LIMD1: variants seen among roughly 807,000 people sequenced by gnomAD.
The protein encoded by LIMD1 is LIM domain-containing protein 1.
Under a neutral mutation model 58.4 loss-of-function variants are expected in LIMD1, and 23 were observed. The ratio of observed to expected loss-of-function variants is 0.39; its 90% CI spans 0.28 to 0.56. LIMD1 has a LOEUF of 0.56. Ranked by LOEUF, LIMD1 falls within the 20% of genes least tolerant of loss-of-function variation. The pLI, the probability that LIMD1 is intolerant of heterozygous loss-of-function variation, is 0.57. For missense variants in LIMD1, 838 were observed against 855.5 expected (o/e 0.98, Z 0.25); for synonymous variants, 334 against 345.5 (o/e 0.97, Z 0.37).
chr3:45,677,226 C>A lies in LIMD1; in HGVS notation c.*167C>A. 1.6e-6 allele frequency: 1 copy of A among 638,904 alleles called. No individual in the cohort carries two copies. Among genetic ancestry groups the A allele is most frequent in the Non-Finnish European group, 2.7e-6 (1 of 375,354 alleles). 39.6% of individuals were successfully genotyped at this position (638,904 alleles called of 1,614,324 possible). A position where few individuals can be genotyped will look rare whatever the true frequency, so the allele number is the denominator to read the frequency against. ...TTTCCTTTAACCAGGGAGGTGAACA[C>A]TACCTGCCTCCTGCGTGTATTTTCC... On this transcript the variant is annotated 3_prime_UTR_variant, in exon 8 of 8. Transcript: ENST00000273317.
At chr3:45,636,407 C>T (rs1418628715) in intron 2 of LIMD1, among the ~76,000 whole-genome samples, 156 bp downstream of exon 2, 1 of 152,198 alleles carries the variant, frequency 6.6e-6, no homozygotes, top group African/African-American at 2.4e-5. Flanking sequence ...AGCAGGGTTT[C>T]TTACCACCAA....
intron 1 of LIMD1, among the ~76,000 whole-genome samples, chr3:45,613,272 C>T (rs1269042211): frequency 3.3e-5 from 5 of 152,152 alleles, no homozygotes; most frequent in Admixed American, 6.5e-5. Flanking sequence ...ACACATAAAA[C>T]AAGGTCATAT....
At chr3:45,628,345 G>T (rs993996726) in intron 1 of LIMD1, among the ~76,000 whole-genome samples, 2 of 152,192 alleles carry the variant, frequency 1.3e-5, no homozygotes, top group Non-Finnish European at 2.9e-5. Flanking sequence ...ACAGGCAAAA[G>T]ATTTGGGCGT....
chr3:45,625,713 C>T (rs1005940814), intron 1 of LIMD1, among the ~76,000 whole-genome samples: 2 of 152,276 alleles, frequency 1.3e-5, no homozygotes, highest in South Asian at 2.1e-4. Flanking sequence ...ATTTAGCCCC[C>T]TTCCCTGCTT....
At position 45,595,590 on chromosome 3, in the gene LIMD1, C is replaced by G. The variant is rs1701337812; in HGVS notation, c.711C>G (p.Ser237Arg). 5.6e-6 allele frequency: 9 copies of G among 1,614,132 alleles called. No individual in the cohort carries two copies. Among genetic ancestry groups the G allele is most frequent in the Non-Finnish European group, 7.6e-6 (9 of 1,180,016 alleles). ...LNHRQLSLSSSRSSEGSLGGQ... is the reference protein window; with the variant it reads ...LNHRQLSLSSRRSSEGSLGGQ... ...ACCGACAGCTCTCCCTGAGCTCCAG[C>G]AGGTCTTCTGAGGGTAGCCTCGGTG... Residue 237 changes from serine (S) to arginine (R), a missense_variant, in exon 1 of 8, where the codon AGC becomes AGG. This residue lies in a region of LIMD1 where 659 missense variants were observed against 639.8 expected (regional missense o/e 1.03). Transcript: ENST00000273317.
intron 2 of LIMD1, among the ~76,000 whole-genome samples, chr3:45,642,095 G>A (rs1701848361): frequency 6.6e-6 from 1 of 152,158 alleles, no homozygotes; most frequent in Non-Finnish European, 1.5e-5. Flanking sequence ...ACCATGGCAG[G>A]TTCCCTTACA....
At chr3:45,653,009 G>C (rs7624618) in intron 2 of LIMD1, among the ~76,000 whole-genome samples, 16,753 of 152,300 alleles carry the variant, frequency 0.11, 1,045 homozygotes, top group African/African-American at 0.16. Context: ...CCGAGAAAGA[G>C]ATGAGAACGT....
intron 1 of LIMD1, among the ~76,000 whole-genome samples, chr3:45,608,050 G>C (rs1701485522): frequency 6.6e-6 from 1 of 152,212 alleles, no homozygotes; most frequent in South Asian, 2.1e-4. Flanking sequence ...ATGGAATTGG[G>C]GGCAGCTCAG....
At chr3:45,673,786 T>C in intron 6 of LIMD1, 2 of 474,294 alleles carry the variant, frequency 4.2e-6, no homozygotes, top group Non-Finnish European at 7.7e-6. Context: ...TGTGGTGGCA[T>C]GTGCCTGTAG....
At position 45,681,324 on chromosome 3, in the gene LIMD1, G is replaced by C. The variant is rs1329804422; in HGVS notation, c.*4265G>C. The C allele has an allele frequency of 6.6e-6, 1 of 152,160 alleles. No homozygotes were observed. Among genetic ancestry groups the C allele is most frequent in the African/African-American group, 2.4e-5 (1 of 41,436 alleles). 9.4% of individuals were successfully genotyped at this position (152,160 alleles called of 1,614,324 possible). On this transcript the variant is annotated 3_prime_UTR_variant, in exon 8 of 8. Coordinates refer to ENST00000273317, the MANE Select transcript of LIMD1 (RefSeq NM_014240.3). ...AACTGTTTTTTGCTACCTGGACTTT[G>C]TCTTCTTTTACAGCTCTGGATTCTT...
chr3:45,594,815 A>ACACACAC lies in LIMD1; in HGVS notation c.-64_-58dup, dbSNP rs1701321807. On this transcript the variant is annotated 5_prime_UTR_variant, in exon 1 of 8. Transcript: ENST00000273317. ...CACACACACACACACACACACACACACACACACACACACACACACACACAC... is the reference window on the plus strand; with the variant it reads ...CACACACACACACACACACACACACACACACACCACACACACACACACACACACACAC... The ACACACAC allele has an allele frequency of 5.0e-6, 4 of 803,816 alleles. No individual in the cohort carries two copies. In the African/African-American group the frequency reaches 7.0e-5, roughly 14 times the overall value. 49.8% of individuals were successfully genotyped at this position (803,816 alleles called of 1,614,324 possible).
chr3:45,629,865 T>C (rs1701709845), intron 1 of LIMD1, among the ~76,000 whole-genome samples: 2 of 152,180 alleles, frequency 1.3e-5, no homozygotes, highest in African/African-American at 4.8e-5. Context: ...CGAGCCACAC[T>C]CCCATTGCAC....
At chr3:45,649,353 C>G (rs1701939003) in intron 2 of LIMD1, among the ~76,000 whole-genome samples, 1 of 151,744 alleles carries the variant, frequency 6.6e-6, no homozygotes, top group South Asian at 2.1e-4. Context: ...CTTTTGTATT[C>G]TGAATTTATC....
At chr3:45,614,911 C>T (rs1259878172) in intron 1 of LIMD1, among the ~76,000 whole-genome samples, 1 of 151,436 alleles carries the variant, frequency 6.6e-6, no homozygotes, top group Non-Finnish European at 1.5e-5. Context: ...TTTTCTTTTA[C>T]ACATAGATAT....
In LIMD1 at chr3:45,614,285, T is replaced by C. The variant is rs554008694; in HGVS notation, c.1408+17998T>C. Reference sequence around the variant, plus strand: ...GCTCATGCTTGTCATCCCAGCACTTTGGGAGGCCGAGGCGGGTGGATCACG... The same window carrying C: ...GCTCATGCTTGTCATCCCAGCACTTCGGGAGGCCGAGGCGGGTGGATCACG... On this transcript the variant is annotated intron_variant, in intron 1 of 7. Coordinates refer to ENST00000273317, the MANE Select transcript of LIMD1 (RefSeq NM_014240.3). Among the ~76,000 whole-genome samples, 13 of 152,152 alleles carry C rather than the reference T, an allele frequency of 8.5e-5. No individual in the cohort carries two copies. The East Asian group carries it at 2.3e-3, about 27-fold the overall frequency.
At chr3:45,611,635 C>T (rs1480858598) in intron 1 of LIMD1, among the ~76,000 whole-genome samples, 3 of 152,168 alleles carry the variant, frequency 2.0e-5, no homozygotes, top group Non-Finnish European at 4.4e-5. Flanking sequence ...GGAGCCCTTT[C>T]CTGGGTATGG....
chr3:45,633,270 G>A (rs1701754864), intron 1 of LIMD1, among the ~76,000 whole-genome samples: 2 of 152,164 alleles, frequency 1.3e-5, no homozygotes, highest in South Asian at 2.1e-4. Context: ...AAGATGGAAG[G>A]GAGAAGGCAG....
Position 45,595,634 on chromosome 3 carries a change from G to C in LIMD1, c.755G>C (p.Gly252Ala). Residue 252 changes from glycine (G) to alanine (A), a missense_variant, in exon 1 of 8, where the codon GGT becomes GCT. Physicochemically the swap from Gly to Ala is moderately conservative, Grantham distance 60 (BLOSUM62 0). Around this residue, in one of 3 missense-constraint regions of LIMD1, gnomAD observed 659 missense variants for 639.8 expected, o/e 1.03. Transcript: ENST00000273317. ...CTCGGTGGTCAGAATAGTGGCATTG[G>C]TGGCCGCAGCAGCGAGAAGCCAACA... Reference protein sequence around the residue: ...GSLGGQNSGIGGRSSEKPTGL... With the variant: ...GSLGGQNSGIAGRSSEKPTGL... 3 of 1,613,670 alleles carry C rather than the reference G, an allele frequency of 1.9e-6. No individual in the cohort carries two copies. The highest frequency in any genetic ancestry group is 1.7e-6 in the Non-Finnish European group (2 of 1,179,932).
At chr3:45,647,151 G>A (rs1373620317) in intron 2 of LIMD1, among the ~76,000 whole-genome samples, 1 of 152,146 alleles carries the variant, frequency 6.6e-6, no homozygotes, top group Non-Finnish European at 1.5e-5. Flanking sequence ...CTACATAGAC[G>A]TTTTTGCCTG....
Sources: gnomAD v4.1 joint callset for allele counts (sites outside exome capture counted in the v4.1 genomes callset) on GRCh38, gnomAD v4.1.1 for gene constraint, gnomAD v4.1.1 regional missense constraint, MANE v1.5 for transcripts, NCBI Gene and HGNC (gene_info 2026-07-23, HGNC 2026-07-21) for gene names.